ARB2A: variants seen among roughly 807,000 people sequenced by gnomAD.
ARB2A encodes cotranscriptional regulator ARB2A.
At chr5:93,915,857 T>C in the ARB2A span, among the ~76,000 whole-genome samples, 1 of 152,050 alleles carries the variant, frequency 6.6e-6, no homozygotes, top group African/African-American at 2.4e-5. Flanking sequence ...GGATTCTATA[T>C]AGAAGCATTC....
At chr5:93,621,061 A>T in the ARB2A span, 4 of 1,612,312 alleles carry the variant, frequency 2.5e-6, no homozygotes, top group Non-Finnish European at 3.4e-6. Flanking sequence ...TTGGCCTCTG[A>T]GGCTTCGGTA....
At chr5:94,051,760 C>T in the ARB2A span, among the ~76,000 whole-genome samples, 14 of 152,170 alleles carry the variant, frequency 9.2e-5, no homozygotes, top group African/African-American at 3.4e-4. Flanking sequence ...AGTCATCCTG[C>T]TCAAAGTATT....
At chr5:93,755,438 A>G in the ARB2A span, among the ~76,000 whole-genome samples, 1 of 152,204 alleles carries the variant, frequency 6.6e-6, no homozygotes. Flanking sequence ...CAGCATGCAG[A>G]GGCTTGCATT....
the ARB2A span, among the ~76,000 whole-genome samples, chr5:93,741,854 C>CCA: frequency 1.3e-5 from 2 of 152,136 alleles, no homozygotes; most frequent in Non-Finnish European, 2.9e-5. Context: ...CTCACTGCCT[C>CCA]CATCCCCTGC....
chr5:94,096,993 A>T, the ARB2A span, among the ~76,000 whole-genome samples: 1 of 152,154 alleles, frequency 6.6e-6, no homozygotes, highest in East Asian at 1.9e-4. Context: ...TGGACACTTG[A>T]GCTGGCAGGG....
the ARB2A span, chr5:93,733,083 C>T: frequency 6.6e-6 from 1 of 151,912 alleles, no homozygotes; most frequent in South Asian, 2.1e-4. Context: ...TTACTTAACC[C>T]TTTGTTAAAC....
chr5:93,852,852 C>G, the ARB2A span, among the ~76,000 whole-genome samples: 124 of 152,284 alleles, frequency 8.1e-4, 1 homozygote, highest in African/African-American at 2.8e-3. Context: ...GTTTTGGTTA[C>G]TGTAGCCTTG....
At chr5:93,707,573 TTTC>T in the ARB2A span, among the ~76,000 whole-genome samples, 1 of 151,046 alleles carries the variant, frequency 6.6e-6, no homozygotes, top group African/African-American at 2.4e-5. Flanking sequence ...TTCTTTTTTC[TTTC>T]TTTTTTTTTT....
chr5:93,674,628 A>C, the ARB2A span, among the ~76,000 whole-genome samples: 2 of 152,250 alleles, frequency 1.3e-5, no homozygotes, highest in East Asian at 3.8e-4. Context: ...AACTGCTTTC[A>C]GACTCAATAA....
At chr5:93,742,776 T>C in the ARB2A span, among the ~76,000 whole-genome samples, 1 of 152,228 alleles carries the variant, frequency 6.6e-6, no homozygotes, top group Non-Finnish European at 1.5e-5. Context: ...TTCTTGCTCC[T>C]TCTCCTTTTA....
the ARB2A span, among the ~76,000 whole-genome samples, chr5:93,825,024 G>A: frequency 6.6e-6 from 1 of 152,118 alleles, no homozygotes; most frequent in South Asian, 2.1e-4. Flanking sequence ...TGCTTTGATT[G>A]TGCTTTGTCT....
the ARB2A span, among the ~76,000 whole-genome samples, chr5:93,924,649 G>T: frequency 1.3e-5 from 2 of 152,146 alleles, no homozygotes; most frequent in Non-Finnish European, 2.9e-5. Context: ...GGAGAACCAA[G>T]TAGTGAATAG....
At chr5:94,018,058 C>T in the ARB2A span, among the ~76,000 whole-genome samples, 1 of 152,180 alleles carries the variant, frequency 6.6e-6, no homozygotes, top group Non-Finnish European at 1.5e-5. Flanking sequence ...CACCATGATT[C>T]TGAGGCCTGC....
the ARB2A span, among the ~76,000 whole-genome samples, chr5:94,011,546 G>A: frequency 6.6e-6 from 1 of 152,088 alleles, no homozygotes. Flanking sequence ...ATGAGCAAAG[G>A]AAAGAAGCCT....
the ARB2A span, among the ~76,000 whole-genome samples, chr5:94,105,200 A>G: frequency 6.6e-6 from 1 of 152,056 alleles, no homozygotes; most frequent in East Asian, 1.9e-4. Flanking sequence ...AAGTCATACT[A>G]TCTCTGTTCA....
the ARB2A span, among the ~76,000 whole-genome samples, chr5:94,095,629 A>C: frequency 4.0e-5 from 6 of 151,674 alleles, no homozygotes; most frequent in Non-Finnish European, 7.4e-5. Flanking sequence ...ATCCATCCTT[A>C]AGTTCTCAAC....
the ARB2A span, among the ~76,000 whole-genome samples, chr5:94,073,774 G>GTTGT: frequency 6.6e-6 from 1 of 152,036 alleles, no homozygotes. Context: ...CTTCTATAGG[G>GTTGT]TTGTTTACAG....
the ARB2A span, chr5:93,618,138 C>T: frequency 2.0e-5 from 3 of 150,276 alleles, no homozygotes; most frequent in Non-Finnish European, 4.4e-5. Flanking sequence ...CTTGTGCTTT[C>T]CTTTTTTTTT....
At chr5:94,009,720 C>T in the ARB2A span, among the ~76,000 whole-genome samples, 3 of 151,882 alleles carry the variant, frequency 2.0e-5, no homozygotes, top group Admixed American at 6.6e-5. Context: ...AAATATATAA[C>T]GTTATTTGGG....
Sources: gnomAD v4.1 joint callset for allele counts (sites outside exome capture counted in the v4.1 genomes callset) on GRCh38, gnomAD v4.1.1 for gene constraint, MANE v1.5 for transcripts, NCBI Gene and HGNC (gene_info 2026-07-23, HGNC 2026-07-21) for gene names.